The following MSI2 variants were observed in gnomAD, a reference collection of about 807,000 sequenced individuals.
MSI2 encodes RNA-binding protein Musashi homolog 2.
MSI2 carries 17 observed loss-of-function variants against 45.6 expected under a neutral mutation model. That is an observed-to-expected ratio of 0.37 (90% CI 0.26 to 0.56). MSI2 has a LOEUF of 0.56. Among genes scored for constraint, MSI2 ranks in the 20% least tolerant of loss-of-function variants. The pLI is 0.77. For synonymous variants in MSI2, 156 were observed against 158.2 expected (o/e 0.99, Z 0.11); for missense variants, 293 against 444.2 (o/e 0.66, Z 3.06).
At chr17:57,468,141 C>G (rs1241403118) in intron 6 of MSI2, among the ~76,000 whole-genome samples, 1 of 151,814 alleles carries the variant, frequency 6.6e-6, no homozygotes, top group Non-Finnish European at 1.5e-5. Flanking sequence ...CTCTTAGAGC[C>G]TTAGTTCCCG....
rs75135272 is a variant in MSI2, at chr17:57,415,902, T to C, written c.405+14431T>C. Among the ~76,000 whole-genome samples, 495 of 152,070 alleles carry C rather than the reference T, an allele frequency of 3.3e-3. 1 individual carries two copies. The highest frequency in any genetic ancestry group is 0.011 in the African/African-American group (463 of 41,472). ...CTAGATTTAACCCAGCTGGAGTTAG[T>C]GTTGGGGGAGGCTAAGTGGAGGATT... On this transcript the variant is annotated intron_variant, in intron 6 of 13. Transcript: ENST00000284073.
At chr17:57,673,514 C>A (rs1379336247) in intron 11 of MSI2, among the ~76,000 whole-genome samples, 1 of 152,150 alleles carries the variant, frequency 6.6e-6, no homozygotes, top group Non-Finnish European at 1.5e-5. Context: ...TTAGCCGTAG[C>A]CCAAAGGTAG....
At position 57,327,983 on chromosome 17, in the gene MSI2, C is replaced by T. The variant is rs115827147; in HGVS notation, c.312+65791C>T. 6.4e-3 allele frequency among the ~76,000 whole-genome samples: 972 copies of T among 152,248 alleles called. 5 individuals are homozygous for T. The highest frequency in any genetic ancestry group is 0.021 in the African/African-American group (877 of 41,520). On this transcript the variant is annotated intron_variant, in intron 5 of 13. Coordinates refer to ENST00000284073, the MANE Select transcript of MSI2 (RefSeq NM_138962.4). ...GGAGTAGCTCAGATGTTTTTGGCTTCACCCCCTATAATTTAGTATGCAAAG... is the reference window on the plus strand; with the variant it reads ...GGAGTAGCTCAGATGTTTTTGGCTTTACCCCCTATAATTTAGTATGCAAAG...
chr17:57,471,276 A>AG (rs2085431229), intron 6 of MSI2, among the ~76,000 whole-genome samples: 2 of 121,630 alleles, frequency 1.6e-5, no homozygotes, highest in African/African-American at 6.6e-5. Context: ...TTTATGGAGC[A>AG]CTTTTTTTTT....
At chr17:57,350,555 G>A in intron 5 of MSI2, among the ~76,000 whole-genome samples, 1 of 152,022 alleles carries the variant, frequency 6.6e-6, no homozygotes, top group East Asian at 1.9e-4. Context: ...TCCCCAGCAG[G>A]GTCATTTCTC....
intron 6 of MSI2, among the ~76,000 whole-genome samples, chr17:57,472,897 CTT>C (rs751901407): frequency 1.3e-4 from 19 of 145,130 alleles, no homozygotes; most frequent in Admixed American, 2.1e-4. Context: ...TCTTTTCTTT[CTT>C]TTTTTTTTTT....
intron 9 of MSI2, chr17:57,616,405 A>C: frequency 1.1e-5 from 2 of 186,312 alleles, no homozygotes; most frequent in Non-Finnish European, 1.1e-5. Context: ...GTCCCCCTCT[A>C]TCTGCCTCAG....
chr17:57,450,569 C>T (rs1020188208), intron 6 of MSI2, among the ~76,000 whole-genome samples: 1 of 144,300 alleles, frequency 6.9e-6, no homozygotes, highest in Non-Finnish European at 1.5e-5. Flanking sequence ...ACTCGGGAGG[C>T]TGAGGCAGGA....
intron 10 of MSI2, chr17:57,631,068 G>A (rs28706339): frequency 0.4 from 60,593 of 152,184 alleles, 12,853 homozygotes; most frequent in Non-Finnish European, 0.47. Context: ...TTTCTTTGTG[G>A]TCTTTCTTTT....
At position 57,529,604 on chromosome 17, in the gene MSI2, G is replaced by T; in HGVS notation, c.406-72G>T. ...AATGGAAACTACCCCCTCACCCCCC[G>T]ACATGCATATAATGTTTTGTGTACT... On this transcript the variant is annotated intron_variant, in intron 6 of 13. Transcript: ENST00000284073. The surrounding 1 kb of genome is among the most constrained non-coding windows in gnomAD (Gnocchi z 5.3). 2 of 1,393,752 alleles carry T rather than the reference G, an allele frequency of 1.4e-6. No homozygotes were observed. Among genetic ancestry groups the T allele is most frequent in the South Asian group, 2.4e-5 (2 of 82,992 alleles). 86.3% of individuals were successfully genotyped at this position (1,393,752 alleles called of 1,614,324 possible). A position where few individuals can be genotyped will look rare whatever the true frequency, so the allele number is the denominator to read the frequency against.
At chr17:57,569,983 G>A (rs1050700132) in intron 7 of MSI2, among the ~76,000 whole-genome samples, 9 of 152,104 alleles carry the variant, frequency 5.9e-5, no homozygotes, top group Non-Finnish European at 4.4e-5. Flanking sequence ...GGTCCTCAGC[G>A]TAGACACGAG....
intron 5 of MSI2, among the ~76,000 whole-genome samples, chr17:57,368,384 C>A (rs965443922): frequency 5.3e-5 from 8 of 151,880 alleles, no homozygotes; most frequent in African/African-American, 1.9e-4. Context: ...GGCAAAACAC[C>A]GTCTCTACTA....
intron 6 of MSI2, among the ~76,000 whole-genome samples, chr17:57,504,460 G>T (rs1167936035): frequency 6.6e-6 from 1 of 152,196 alleles, no homozygotes; most frequent in Non-Finnish European, 1.5e-5. Context: ...TGGAAGGCAG[G>T]GTAGCTTGCC....
At chr17:57,271,680 C>T (rs1194594818) in intron 5 of MSI2, among the ~76,000 whole-genome samples, 2 of 150,790 alleles carry the variant, frequency 1.3e-5, no homozygotes, top group African/African-American at 4.9e-5. Flanking sequence ...GGGCTTCATC[C>T]ATACCCTCCA....
rs777581679 is a variant in MSI2 at position 57,420,387 on chromosome 17, C to T, written c.405+18916C>T. ...TTATCTCTCTTGTCCTTGCTCTCCCCCACTTTTGGAGCCTTTGTCTCTGTC... is the reference window on the plus strand; with the variant it reads ...TTATCTCTCTTGTCCTTGCTCTCCCTCACTTTTGGAGCCTTTGTCTCTGTC... On this transcript the variant is annotated intron_variant, in intron 6 of 13. Transcript: ENST00000284073. 1.1e-3 allele frequency among the ~76,000 whole-genome samples: 160 copies of T among 152,328 alleles called. 1 individual carries two copies. The highest frequency in any genetic ancestry group is 1.9e-3 in the Non-Finnish European group (128 of 68,034).
At chr17:57,357,940 T>C (rs1916552481) in intron 5 of MSI2, among the ~76,000 whole-genome samples, 1 of 152,202 alleles carries the variant, frequency 6.6e-6, no homozygotes, top group South Asian at 2.1e-4. Context: ...AGGATCTCTG[T>C]ACAGCCCCAT....
intron 7 of MSI2, among the ~76,000 whole-genome samples, chr17:57,584,114 C>G (rs887522456): frequency 6.6e-6 from 1 of 152,136 alleles, no homozygotes; most frequent in Non-Finnish European, 1.5e-5. Flanking sequence ...TGTGCTGCCC[C>G]CTGTCCGCAG....
rs200533094 is a variant in MSI2, at chr17:57,277,057, T to TC, written c.312+14865_312+14866insC. 1.7e-4 allele frequency among the ~76,000 whole-genome samples: 24 copies of TC among 137,324 alleles called. No individual in the cohort carries two copies. In the South Asian group the frequency reaches 2.2e-3, roughly 13 times the overall value. The allele number at this position is 137,324 out of a possible 152,430, so 90.1% of individuals were successfully genotyped here. A position where few individuals can be genotyped will look rare whatever the true frequency, so the allele number is the denominator to read the frequency against. ...GGTTTGGGTTGGTTTTCTTTTCTTTTTTTTTTTTTTTTTTTTGAGACAAAA... is the reference window on the plus strand; with the variant it reads ...GGTTTGGGTTGGTTTTCTTTTCTTTTCTTTTTTTTTTTTTTTTGAGACAAAA... On this transcript the variant is annotated intron_variant, in intron 5 of 13. Transcript: ENST00000284073.
intron 5 of MSI2, among the ~76,000 whole-genome samples, chr17:57,340,621 G>A (rs916456514): frequency 6.6e-6 from 1 of 152,152 alleles, no homozygotes; most frequent in Non-Finnish European, 1.5e-5. Context: ...TCATTTTACC[G>A]CAGAAGCCTC....
Sources: allele counts gnomAD v4.1 joint callset (sites outside exome capture counted in the v4.1 genomes callset), GRCh38; gene constraint gnomAD v4.1.1; non-coding constraint Gnocchi (gnomAD v3.1); transcripts MANE v1.5; gene names NCBI Gene and HGNC (gene_info 2026-07-23, HGNC 2026-07-21).